FAM20A: variants seen among roughly 807,000 people sequenced by gnomAD.
FAM20A encodes pseudokinase FAM20A.
Under a neutral mutation model 52.0 loss-of-function variants are expected in FAM20A, and 42 were observed. The observed-to-expected ratio is 0.81, with a 90% CI of 0.63 to 1.04. FAM20A has a LOEUF of 1.04. FAM20A is among the 50% of genes least tolerant of loss of function. The probability of loss-of-function intolerance (pLI) is 0.00; values close to 1 mark genes in which losing one functional copy is unlikely to be tolerated. For synonymous variants in FAM20A, 304 were observed against 298.9 expected (o/e 1.02, Z -0.18); for missense variants, 742 against 712.7 (o/e 1.04, Z -0.47).
In FAM20A at chr17:68,537,611, G is replaced by C. The variant is rs2086131863; in HGVS notation, c.1492C>G (p.Leu498Val). 6.2e-7 allele frequency: 1 copy of C among 1,613,702 alleles called. No individual in the cohort carries two copies. Residue 498 changes from leucine to valine, a missense_variant, in exon 11 of 11, where the codon CTG (leucine) becomes GTG (valine). Transcript: ENST00000592554. This position sits in a 1 kb window ranked among gnomAD's most constrained non-coding sequence, Gnocchi z 4.2. ...PVLTEPHLLA[L>V]DRRLQTILRT... ...AGGATGGTTTGGAGCCTTCGATCCA[G>C]GGCAAGGAGGTGGGGTTCAGTGAGG...
chr17:68,553,364 C>T (rs2086932115), intron 3 of FAM20A, among the ~76,000 whole-genome samples: 1 of 152,166 alleles, frequency 6.6e-6, no homozygotes. Flanking sequence ...CAGTCTCAGG[C>T]ATTTCTTAAG....
chr17:68,548,861 C>T (rs1051994363), intron 4 of FAM20A, among the ~76,000 whole-genome samples: 1 of 150,720 alleles, frequency 6.6e-6, no homozygotes, highest in African/African-American at 2.4e-5. Context: ...GCCTCCCGAG[C>T]AGCTGGGACT....
chr17:68,600,503 C>A lies in FAM20A; in HGVS notation c.164G>T (p.Arg55Leu). 1 of 1,589,400 alleles carries A rather than the reference C, an allele frequency of 6.3e-7. No homozygotes were observed. The highest frequency in any genetic ancestry group is 8.6e-7 in the Non-Finnish European group (1 of 1,168,294). Residue 55 changes from arginine (R) to leucine (L), a missense_variant, in exon 1 of 11, where the codon CGG (arginine) becomes CTG (leucine). Transcript: ENST00000592554. The surrounding 1 kb of genome is among the most constrained non-coding windows in gnomAD (Gnocchi z 6.2). ...GTCCGAGGCAGCTGCGGCCGAGTCCCGCGCCAGGGAGGAGGCGCGGCCGGT... is the reference window on the plus strand; with the variant it reads ...GTCCGAGGCAGCTGCGGCCGAGTCCAGCGCCAGGGAGGAGGCGCGGCCGGT... The part of the protein sequence containing the change: ...PCTGRASSLA[R>L]DSAAAASDPG...
intron 4 of FAM20A, among the ~76,000 whole-genome samples, chr17:68,549,172 A>C (rs780213038): frequency 1.3e-5 from 2 of 152,114 alleles, no homozygotes; most frequent in African/African-American, 2.4e-5. Flanking sequence ...GAGCTCATCC[A>C]TTGCATATTA....
chr17:68,600,615 G>A lies in FAM20A; in HGVS notation c.52C>T (p.Leu18=). ...RLLTLLLLGA[L]LSADLYFHLW... ...TGGAAGTAGAGGTCGGCGGAGAGCA[G>A]CGCGCCCAGCAGCAGCAGAGTCAGT... is the stretch of plus-strand genomic sequence containing the variant. Residue 18 remains leucine (L), a synonymous_variant, in exon 1 of 11, where the codon CTG becomes TTG. Transcript: ENST00000592554. This position sits in a 1 kb window ranked among gnomAD's most constrained non-coding sequence, Gnocchi z 6.2. 3 of 1,563,304 alleles carry A rather than the reference G, an allele frequency of 1.9e-6. No individual in the cohort carries two copies. The highest frequency in any genetic ancestry group is 2.6e-6 in the Non-Finnish European group (3 of 1,158,570).
intron 1 of FAM20A, among the ~76,000 whole-genome samples, chr17:68,565,572 T>C (rs2087354800): frequency 6.6e-6 from 1 of 151,966 alleles, no homozygotes; most frequent in Non-Finnish European, 1.5e-5. Flanking sequence ...TTTTGTATTT[T>C]TAGTAGAGAT....
chr17:68,600,600 G>T lies in FAM20A; in HGVS notation c.67C>A (p.Leu23Ile). The change falls in exon 1 of 11, where the codon CTC becomes ATC. Residue 23 changes from leucine (L) to isoleucine (I), a missense_variant. Physicochemically the swap from Leu to Ile is conservative, Grantham distance 5. Transcript: ENST00000592554. This position sits in a 1 kb window ranked among gnomAD's most constrained non-coding sequence, Gnocchi z 6.2. ...LLLGALLSAD[L>I]YFHLWPQVQR... is the part of the protein sequence containing the mutation. ...ACTTGGGGCCAGAGGTGGAAGTAGA[G>T]GTCGGCGGAGAGCAGCGCGCCCAGC... 3.8e-6 allele frequency: 6 copies of T among 1,563,580 alleles called. No individual in the cohort carries two copies. Among genetic ancestry groups the T allele is most frequent in the Non-Finnish European group, 5.2e-6 (6 of 1,157,044 alleles).
At chr17:68,588,460 T>C (rs867896242) in intron 1 of FAM20A, among the ~76,000 whole-genome samples, 1 of 152,228 alleles carries the variant, frequency 6.6e-6, no homozygotes, top group African/African-American at 2.4e-5. Flanking sequence ...TTTAGTTTTC[T>C]AGGGATGCCA....
chr17:68,536,475 C>T lies in FAM20A; in HGVS notation c.*1002G>A. ...AGACAAGGAATCCCTACTACACTTT[C>T]TTCTAAGGGAGGCTTCAATAAAAAA... On this transcript the variant is annotated 3_prime_UTR_variant, in exon 11 of 11. Transcript: ENST00000592554. 6 of 454,128 alleles carry T rather than the reference C, an allele frequency of 1.3e-5. No individual in the cohort carries two copies. The highest frequency in any genetic ancestry group is 9.3e-5 in the South Asian group (6 of 64,476). 28.1% of individuals were successfully genotyped at this position (454,128 alleles called of 1,614,324 possible). A position where few individuals can be genotyped will look rare whatever the true frequency, so the allele number is the denominator to read the frequency against.
Position 68,540,005 on chromosome 17 carries a change from C to T in FAM20A, c.1220-39G>A. ...GAGGACTTAGCTGGAACCAGCAGGCCAGGGGGACAGGTGCTCCTGACCTGA... is the reference window on the plus strand; with the variant it reads ...GAGGACTTAGCTGGAACCAGCAGGCTAGGGGGACAGGTGCTCCTGACCTGA... On this transcript the variant is annotated intron_variant, in intron 8 of 10. Transcript: ENST00000592554. 2.5e-6 allele frequency: 4 copies of T among 1,574,688 alleles called. No homozygotes were observed. The South Asian group carries it at 3.3e-5, about 13-fold the overall frequency.
intron 1 of FAM20A, among the ~76,000 whole-genome samples, chr17:68,589,353 G>A (rs137947040): frequency 6.6e-6 from 1 of 152,360 alleles, no homozygotes; most frequent in East Asian, 1.9e-4. Flanking sequence ...CCAGCCAGAA[G>A]TGCTGACCTG....
At chr17:68,594,394 G>A (rs934165717) in intron 1 of FAM20A, among the ~76,000 whole-genome samples, 9 of 140,582 alleles carry the variant, frequency 6.4e-5, no homozygotes, top group African/African-American at 1.9e-4. Context: ...GCGAGACTCC[G>A]TCTCAAAAAA....
chr17:68,600,503 C>G lies in FAM20A; in HGVS notation c.164G>C (p.Arg55Pro). The change falls in exon 1 of 11, where the codon CGG becomes CCG. Residue 55 changes from arginine to proline, a missense_variant. By Grantham distance (103) the Arg-to-Pro change is moderately radical. Coordinates refer to ENST00000592554, the MANE Select transcript of FAM20A (RefSeq NM_017565.4). The surrounding 1 kb of genome is among the most constrained non-coding windows in gnomAD (Gnocchi z 6.2). Reference protein sequence around the residue: ...PCTGRASSLARDSAAAASDPG... With the variant: ...PCTGRASSLAPDSAAAASDPG... The stretch of plus-strand genomic sequence containing the variant: ...GTCCGAGGCAGCTGCGGCCGAGTCC[C>G]GCGCCAGGGAGGAGGCGCGGCCGGT... The G allele has an allele frequency of 6.3e-7, 1 of 1,589,400 alleles. No homozygotes were observed. Among genetic ancestry groups the G allele is most frequent in the Non-Finnish European group, 8.6e-7 (1 of 1,168,294 alleles).
intron 1 of FAM20A, among the ~76,000 whole-genome samples, chr17:68,559,188 C>T (rs955412094): frequency 2.6e-5 from 4 of 152,210 alleles, no homozygotes; most frequent in Non-Finnish European, 4.4e-5. Context: ...AAAACGAATA[C>T]GTACTTTGTT....
At chr17:68,592,150 C>T (rs1245331814) in intron 1 of FAM20A, among the ~76,000 whole-genome samples, 1 of 152,112 alleles carries the variant, frequency 6.6e-6, no homozygotes, top group Non-Finnish European at 1.5e-5. Flanking sequence ...TAACAAGGGG[C>T]TGGATTTGAT....
At chr17:68,596,924 T>C (rs2088468494) in intron 1 of FAM20A, among the ~76,000 whole-genome samples, 1 of 152,180 alleles carries the variant, frequency 6.6e-6, no homozygotes, top group African/African-American at 2.4e-5. Flanking sequence ...TGCAGAAAGC[T>C]TCAGGGCCAG....
At chr17:68,545,793 G>A (rs2086527362) in intron 4 of FAM20A, among the ~76,000 whole-genome samples, 2 of 152,114 alleles carry the variant, frequency 1.3e-5, no homozygotes, top group South Asian at 4.1e-4. Context: ...ATCCTCTGTG[G>A]CCATCTCAAC....
chr17:68,570,429 C>T (rs2087506580), intron 1 of FAM20A, among the ~76,000 whole-genome samples: 1 of 152,164 alleles, frequency 6.6e-6, no homozygotes, highest in African/African-American at 2.4e-5. Flanking sequence ...TATCTCACAC[C>T]TAGTGGATGA....
intron 3 of FAM20A, among the ~76,000 whole-genome samples, chr17:68,553,099 C>T (rs1293036740): frequency 6.6e-6 from 1 of 152,148 alleles, no homozygotes; most frequent in African/African-American, 2.4e-5. Context: ...GGGAGGGATG[C>T]TGTGAGAGGT....
Sources: allele counts gnomAD v4.1 joint callset (sites outside exome capture counted in the v4.1 genomes callset), GRCh38; gene constraint gnomAD v4.1.1; non-coding constraint Gnocchi (gnomAD v3.1); transcripts MANE v1.5; gene names NCBI Gene and HGNC (gene_info 2026-07-23, HGNC 2026-07-21).